SULT1B1: variants seen among roughly 807,000 people sequenced by gnomAD.
The protein encoded by SULT1B1 is sulfotransferase family 1B member 1, also known as sulfotransferase 1B1.
SULT1B1 carries 28 observed loss-of-function variants against 34.6 expected under a neutral mutation model. The observed-to-expected ratio is 0.81, with a 90% CI of 0.60 to 1.11. The LOEUF (loss-of-function observed/expected upper bound fraction) is 1.11. Among genes scored for constraint, SULT1B1 ranks in the 50% least tolerant of loss-of-function variants. SULT1B1 has a pLI of 0.00. For missense variants in SULT1B1, 374 were observed against 352.2 expected (o/e 1.06, Z -0.50); for synonymous variants, 147 against 110.2 (o/e 1.33, Z -2.09).
chr4:69,752,409 T>C (rs1157240903), intron 3 of SULT1B1, among the ~76,000 whole-genome samples: 1 of 152,162 alleles, frequency 6.6e-6, no homozygotes, highest in African/African-American at 2.4e-5. Flanking sequence ...TTTGTCTTGG[T>C]CAGATAAATT....
Position 69,727,121 on chromosome 4 carries a change from G to T in SULT1B1, c.858C>A (p.Ser286=). The T allele has an allele frequency of 1.2e-6, 2 of 1,609,974 alleles. No homozygotes were observed. The highest frequency in any genetic ancestry group is 1.1e-5 in the South Asian group (1 of 90,548). The change falls in exon 8 of 8, where the codon TCC becomes TCA. Residue 286 remains serine, a synonymous_variant. Transcript: ENST00000310613. ...KFDAIYETEM[S]KTALQFRTEI The stretch of plus-strand genomic sequence containing the variant: ...CTGTGCGGAATTGAAGTGCAGTTTT[G>T]GACATTTCTGTCTCATAAATAGCAT...
chr4:69,727,064 C>A lies in SULT1B1; in HGVS notation c.*24G>T, dbSNP rs777716552. 75 of 1,552,500 alleles carry A rather than the reference C, an allele frequency of 4.8e-5. 1 individual carries two copies. In the South Asian group the frequency reaches 8.8e-4, roughly 18 times the overall value. On this transcript the variant is annotated 3_prime_UTR_variant, in exon 8 of 8. Transcript: ENST00000310613. ...ATCAACTACAGACAATCTCTTATTT[C>A]TTCAGATGTGTGATTTAGACACTTT...
At chr4:69,739,816 G>C (rs1185513650) in intron 4 of SULT1B1, among the ~76,000 whole-genome samples, 1 of 152,134 alleles carries the variant, frequency 6.6e-6, no homozygotes, top group Non-Finnish European at 1.5e-5. Context: ...TTGCCACTTA[G>C]AAATTTCAAA....
intron 1 of SULT1B1, among the ~76,000 whole-genome samples, chr4:69,756,714 G>A (rs1427574033): frequency 1.3e-5 from 2 of 152,108 alleles, no homozygotes; most frequent in Non-Finnish European, 2.9e-5. Flanking sequence ...TGGGTCTCCA[G>A]TTTTCCAGGT....
chr4:69,736,802 T>C (rs1326170922), intron 4 of SULT1B1, among the ~76,000 whole-genome samples: 4 of 151,890 alleles, frequency 2.6e-5, no homozygotes, highest in African/African-American at 9.7e-5. Flanking sequence ...TTACTCAATG[T>C]TAACAACACA....
intron 4 of SULT1B1, among the ~76,000 whole-genome samples, chr4:69,748,163 A>T (rs926189410): frequency 6.6e-6 from 1 of 152,180 alleles, no homozygotes; most frequent in Non-Finnish European, 1.5e-5. Context: ...TGACAATGAT[A>T]CGTTGAGAGT....
intron 1 of SULT1B1, chr4:69,758,166 G>A (rs1719261079): frequency 3.3e-6 from 1 of 298,884 alleles, no homozygotes; most frequent in African/African-American, 2.3e-5. Context: ...AACAATTAAT[G>A]TGGATGGTCA....
intron 3 of SULT1B1, among the ~76,000 whole-genome samples, chr4:69,754,375 T>G (rs1000458916): frequency 1.3e-5 from 2 of 152,164 alleles, no homozygotes; most frequent in African/African-American, 4.8e-5. Context: ...AATTAGGAAC[T>G]TACTAATCTA....
At chr4:69,750,982 GT>G (rs2110029711) in intron 3 of SULT1B1, among the ~76,000 whole-genome samples, 2 of 152,276 alleles carry the variant, frequency 1.3e-5, no homozygotes, top group South Asian at 4.1e-4. Context: ...TAAATAGGTT[GT>G]TTTTAGCAAG....
intron 4 of SULT1B1, among the ~76,000 whole-genome samples, chr4:69,740,507 C>T (rs1422791394): frequency 6.6e-6 from 1 of 152,180 alleles, no homozygotes; most frequent in Non-Finnish European, 1.5e-5. Context: ...TCCACCTGGT[C>T]CTGCCCTTGT....
intron 4 of SULT1B1, among the ~76,000 whole-genome samples, chr4:69,743,026 G>A (rs1248711448): frequency 6.6e-6 from 1 of 152,172 alleles, no homozygotes; most frequent in East Asian, 1.9e-4. Flanking sequence ...CACAACCCTG[G>A]CTCAGGGAGC....
At chr4:69,760,277 A>G in intron 1 of SULT1B1, 182 bp downstream of exon 1, 3 of 959,366 alleles carry the variant, frequency 3.1e-6, no homozygotes, top group Non-Finnish European at 3.7e-6. Flanking sequence ...AAAATTGAAC[A>G]TTGAAAGCTT....
chr4:69,755,403 A>G, intron 1 of SULT1B1, 142 bp from the exon 2 acceptor site: 1 of 588,510 alleles, frequency 1.7e-6, no homozygotes, highest in Non-Finnish European at 2.9e-6. Flanking sequence ...TTTTGTGGGC[A>G]TTAGGTGCAG....
intron 3 of SULT1B1, among the ~76,000 whole-genome samples, chr4:69,752,457 G>T (rs995971958): frequency 4.6e-5 from 7 of 152,096 alleles, no homozygotes; most frequent in African/African-American, 1.7e-4. Flanking sequence ...ATATATAAAT[G>T]CCACTTAAGT....
chr4:69,754,847 A>G lies in SULT1B1; in HGVS notation c.149-49T>C, dbSNP rs572027733. ...AAAATAATTACCCAAATTGCACGGG[A>G]GAGGGAGAAGAATTTATTGGAAACA... On this transcript the variant is annotated intron_variant, in intron 2 of 7. Transcript: ENST00000310613. 5.1e-6 allele frequency: 8 copies of G among 1,579,872 alleles called. No individual in the cohort carries two copies. The African/African-American group carries it at 1.1e-4, about 21-fold the overall frequency.
intron 4 of SULT1B1, 24 bp downstream of exon 4, chr4:69,749,697 A>G (rs1718899291): frequency 1.3e-6 from 2 of 1,562,916 alleles, no homozygotes; most frequent in Non-Finnish European, 1.8e-6. Context: ...ATACTAAAAA[A>G]CTGACATGGA....
intron 1 of SULT1B1, among the ~76,000 whole-genome samples, chr4:69,759,052 A>T (rs918035787): frequency 6.6e-6 from 1 of 152,222 alleles, no homozygotes; most frequent in Non-Finnish European, 1.5e-5. Context: ...TAATTATCTA[A>T]TGATACAGGG....
At chr4:69,740,908 CA>C (rs1718521590) in intron 4 of SULT1B1, among the ~76,000 whole-genome samples, 1 of 152,128 alleles carries the variant, frequency 6.6e-6, no homozygotes, top group Non-Finnish European at 1.5e-5. Context: ...CCCTCTTCAA[CA>C]TTCTGGTTTT....
At position 69,734,274 on chromosome 4, in the gene SULT1B1, G is replaced by A; in HGVS notation, c.376-10C>T. The stretch of plus-strand genomic sequence containing the variant: ...GAGCCAGATAAATCATCTGCAGTGG[G>A]GGGTGGGGGTAGGAGAAAAAAATAA... On this transcript the variant is annotated splice_polypyrimidine_tract_variant and intron_variant, in intron 4 of 7. Coordinates refer to ENST00000310613, the MANE Select transcript of SULT1B1 (RefSeq NM_014465.4). 1 of 1,607,350 alleles carries A rather than the reference G, an allele frequency of 6.2e-7. No homozygotes were observed. Among genetic ancestry groups the A allele is most frequent in the Non-Finnish European group, 8.5e-7 (1 of 1,177,228 alleles).
Sources: allele counts gnomAD v4.1 joint callset (sites outside exome capture counted in the v4.1 genomes callset), GRCh38; gene constraint gnomAD v4.1.1; transcripts MANE v1.5; gene names NCBI Gene and HGNC (gene_info 2026-07-23, HGNC 2026-07-21).